The following CGRRF1 variants were observed in gnomAD, a reference collection of about 807,000 sequenced individuals.
CGRRF1 encodes the protein cell growth regulator with ring finger domain 1, also known as cell growth regulator with RING finger domain protein 1.
In CGRRF1, 32 loss-of-function variants were observed where a neutral mutation model predicts 37.2. The ratio of observed to expected loss-of-function variants is 0.86; its 90% CI spans 0.65 to 1.16. The LOEUF (loss-of-function observed/expected upper bound fraction) is 1.16, where lower values mean the gene tolerates loss of function less well. Among genes scored for constraint, CGRRF1 ranks in the 50% most tolerant of loss-of-function variants. The pLI is 0.00. For missense variants in CGRRF1, 391 were observed against 382.6 expected, an observed-to-expected ratio of 1.02 and a Z score of -0.18; for synonymous variants, 141 against 140.3, an observed-to-expected ratio of 1.00 and a Z score of -0.04.
At chr14:54,512,324 C>G (rs2032142757) in intron 1 of CGRRF1, among the ~76,000 whole-genome samples, 1 of 152,156 alleles carries the variant, frequency 6.6e-6, no homozygotes, top group African/African-American at 2.4e-5. Context: ...ATAGCAATAG[C>G]AAAGAAGCAT....
intron 2 of CGRRF1, among the ~76,000 whole-genome samples, chr14:54,527,436 A>G (rs965541474): frequency 6.6e-6 from 1 of 152,210 alleles, no homozygotes; most frequent in Admixed American, 6.5e-5. Flanking sequence ...CATTGTGCAC[A>G]TGTACCCTAA....
intron 4 of CGRRF1, among the ~76,000 whole-genome samples, chr14:54,534,882 G>C (rs963371028): frequency 6.6e-6 from 1 of 151,978 alleles, no homozygotes; most frequent in Non-Finnish European, 1.5e-5. Flanking sequence ...GCCCAGCTAA[G>C]TTAAAAAAAA....
intron 2 of CGRRF1, among the ~76,000 whole-genome samples, chr14:54,522,961 G>A (rs1427018520): frequency 6.6e-6 from 1 of 152,080 alleles, no homozygotes; most frequent in Non-Finnish European, 1.5e-5. Context: ...ACCTTTTGAG[G>A]AACAATTGCC....
At chr14:54,537,542 A>G in intron 4 of CGRRF1, 180 bp from the exon 5 acceptor site, 3 of 548,820 alleles carry the variant, frequency 5.5e-6, no homozygotes, top group Non-Finnish European at 8.2e-6. Context: ...CTCTGCAGTG[A>G]TTATGATTTA....
intron 2 of CGRRF1, among the ~76,000 whole-genome samples, chr14:54,527,131 C>G (rs963776822): frequency 6.6e-6 from 1 of 152,020 alleles, no homozygotes; most frequent in Admixed American, 6.6e-5. Context: ...CGTCCCAATT[C>G]TGTTAATGCT....
chr14:54,518,272 G>A (rs545051600), intron 1 of CGRRF1, among the ~76,000 whole-genome samples: 2 of 152,042 alleles, frequency 1.3e-5, no homozygotes, highest in Admixed American at 6.6e-5. Context: ...TAGGCCAGGC[G>A]CAGTGGCTCA....
At chr14:54,522,359 T>C in intron 1 of CGRRF1, 95 bp from the exon 2 acceptor site, 3 of 876,798 alleles carry the variant, frequency 3.4e-6, no homozygotes. Flanking sequence ...CACTTAATGC[T>C]AAAAGGAATC....
At chr14:54,527,829 G>C (rs920442091) in intron 2 of CGRRF1, among the ~76,000 whole-genome samples, 2 of 151,654 alleles carry the variant, frequency 1.3e-5, no homozygotes, top group African/African-American at 4.8e-5. Flanking sequence ...TGTGATCATG[G>C]CTGACTGCAG....
intron 5 of CGRRF1, 37 bp downstream of exon 5, chr14:54,537,866 T>C: frequency 6.4e-7 from 1 of 1,570,598 alleles, no homozygotes; most frequent in Non-Finnish European, 8.6e-7. Flanking sequence ...CTGTCTCTTT[T>C]GTTTACAGAG....
intron 2 of CGRRF1, among the ~76,000 whole-genome samples, chr14:54,524,429 A>G (rs1054255053): frequency 1.4e-5 from 2 of 144,594 alleles, no homozygotes; most frequent in African/African-American, 5.2e-5. Flanking sequence ...TCTTCCACCC[A>G]GGCTGGAATG....
rs1266398428 is a variant in CGRRF1 at position 54,538,515 on chromosome 14, G to A, written c.*132G>A. The stretch of plus-strand genomic sequence containing the variant: ...TATATTTTAACTTCATATTTGTATG[G>A]TACTTGGATGATAAAAATTAATTAT... On this transcript the variant is annotated 3_prime_UTR_variant, in exon 6 of 6. Coordinates refer to ENST00000216420, the MANE Select transcript of CGRRF1 (RefSeq NM_006568.3). The A allele has an allele frequency of 1.2e-5, 7 of 576,752 alleles. No homozygotes were observed. The highest frequency in any genetic ancestry group is 7.1e-5 in the Admixed American group (2 of 28,356). 35.7% of individuals were successfully genotyped at this position (576,752 alleles called of 1,614,324 possible). A position where few individuals can be genotyped will look rare whatever the true frequency, so the allele number is the denominator to read the frequency against.
rs1261255325 is a variant in CGRRF1 at position 54,509,969 on chromosome 14, G to T, written c.10G>T (p.Val4Leu). Residue 4 changes from valine (V) to leucine (L), a missense_variant, in exon 1 of 6, where the codon GTG becomes TTG. Transcript: ENST00000216420. MAA[V>L]FLVTLYEYSP... ...CCAGAGCAAGACCCTGATGGCTGCGGTGTTTCTGGTAACGCTTTATGAATA... is the reference window on the plus strand; with the variant it reads ...CCAGAGCAAGACCCTGATGGCTGCGTTGTTTCTGGTAACGCTTTATGAATA... The T allele has an allele frequency of 1.2e-6, 2 of 1,612,962 alleles. No homozygotes were observed. Among genetic ancestry groups the T allele is most frequent in the Non-Finnish European group, 1.7e-6 (2 of 1,178,900 alleles).
intron 1 of CGRRF1, 70 bp from the exon 2 acceptor site, chr14:54,522,384 A>G: frequency 3.5e-6 from 4 of 1,134,674 alleles, no homozygotes; most frequent in Non-Finnish European, 3.6e-6. Context: ...ATGAAGCACA[A>G]CAGATTTTAC....
At chr14:54,537,950 C>T (rs2032625803) in intron 5 of CGRRF1, 113 bp from the exon 6 acceptor site, 1 of 1,483,232 alleles carries the variant, frequency 6.7e-7, no homozygotes, top group Non-Finnish European at 8.9e-7. Flanking sequence ...ACTAACTGTT[C>T]TTTGCAATTG....
intron 2 of CGRRF1, among the ~76,000 whole-genome samples, chr14:54,525,162 CG>C (rs2032392102): frequency 6.6e-6 from 1 of 152,186 alleles, no homozygotes; most frequent in Non-Finnish European, 1.5e-5. Context: ...GAGCAGGACC[CG>C]CAATGAAAAA....
intron 1 of CGRRF1, among the ~76,000 whole-genome samples, chr14:54,521,947 G>C (rs1382564154): frequency 6.6e-6 from 1 of 152,084 alleles, no homozygotes; most frequent in African/African-American, 2.4e-5. Flanking sequence ...ATTAACAATA[G>C]AACTCTTTGT....
chr14:54,524,567 G>A (rs1263092889), intron 2 of CGRRF1, among the ~76,000 whole-genome samples: 3 of 151,452 alleles, frequency 2.0e-5, no homozygotes, highest in African/African-American at 7.3e-5. Context: ...AAAAAAAAAT[G>A]TTTTTTGTGG....
Position 54,527,881 on chromosome 14 carries a change from C to T in CGRRF1, c.245-2168C>T, listed in dbSNP as rs2032441156. On this transcript the variant is annotated intron_variant, in intron 2 of 5. Transcript: ENST00000216420. Reference sequence around the variant, plus strand: ...TCAGCCTTCCAAGAAGTTAGGACCACGGGTGCGTGCCACCATGCCCAGCTA... The same window carrying T: ...TCAGCCTTCCAAGAAGTTAGGACCATGGGTGCGTGCCACCATGCCCAGCTA... 2.0e-5 allele frequency among the ~76,000 whole-genome samples: 3 copies of T among 151,940 alleles called. No homozygotes were observed. The South Asian group carries it at 6.2e-4, about 32-fold the overall frequency.
intron 4 of CGRRF1, chr14:54,537,108 T>C (rs2032612536): frequency 6.6e-6 from 1 of 152,228 alleles, no homozygotes; most frequent in African/African-American, 2.4e-5. Flanking sequence ...ATCACACCTT[T>C]ATTATATTTT....
Sources: allele counts gnomAD v4.1 joint callset (sites outside exome capture counted in the v4.1 genomes callset), GRCh38; gene constraint gnomAD v4.1.1; transcripts MANE v1.5; gene names NCBI Gene and HGNC (gene_info 2026-07-23, HGNC 2026-07-21).